The following JPT2 variants were observed in gnomAD, a reference collection of about 807,000 sequenced individuals.
JPT2 encodes the protein Jupiter microtubule associated homolog 2, also known as CRAMP_1 like.
In JPT2, 9 loss-of-function variants were observed where a neutral mutation model predicts 15.9. The ratio of observed to expected loss-of-function variants is 0.57; its 90% CI spans 0.34 to 0.99. The LOEUF is 0.99. Ranked by LOEUF, JPT2 falls within the 50% of genes least tolerant of loss-of-function variation. The pLI is 0.02. For missense variants in JPT2, 267 were observed against 252.1 expected (o/e 1.06, Z -0.40); for synonymous variants, 95 against 91.7 (o/e 1.04, Z -0.21).
chr16:1,683,070 G>T (rs1421886417), intron 1 of JPT2, among the ~76,000 whole-genome samples: 1 of 152,254 alleles, frequency 6.6e-6, no homozygotes, highest in East Asian at 1.9e-4. Context: ...TCCGCCTCCC[G>T]GGTTCACGCC....
intron 1 of JPT2, among the ~76,000 whole-genome samples, chr16:1,679,172 C>T (rs545216306): frequency 6.6e-6 from 1 of 152,332 alleles, no homozygotes; most frequent in East Asian, 1.9e-4. Flanking sequence ...GCCACTTGAG[C>T]AGTAAACTTG....
Position 1,679,774 on chromosome 16 carries a change from G to A in JPT2, c.44+1418G>A, listed in dbSNP as rs184782568. On this transcript the variant is annotated intron_variant, in intron 1 of 4. Transcript: ENST00000248098. ...TACTTGTAACCAAATAATTACCCGT[G>A]GCAGGGTGCAGTGACTCAACGGCTG... Among the ~76,000 whole-genome samples, 6 of 151,664 alleles carry A rather than the reference G, an allele frequency of 4.0e-5. No homozygotes were observed. In the East Asian group the frequency reaches 1.2e-3, roughly 30 times the overall value.
chr16:1,692,145 CCT>C (rs2037107981), intron 3 of JPT2, 160 bp downstream of exon 3: 3 of 905,800 alleles, frequency 3.3e-6, no homozygotes, highest in Admixed American at 2.6e-5. Flanking sequence ...TGGAAGTTCC[CCT>C]GAGTCACCCA....
At chr16:1,681,596 A>G (rs967221664) in intron 1 of JPT2, among the ~76,000 whole-genome samples, 1 of 152,186 alleles carries the variant, frequency 6.6e-6, no homozygotes, top group African/African-American at 2.4e-5. Flanking sequence ...TCCCGATGGC[A>G]CTAGGCGTCT....
chr16:1,692,044 A>G, intron 3 of JPT2, 59 bp downstream of exon 3: 1 of 1,595,450 alleles, frequency 6.3e-7, no homozygotes, highest in Non-Finnish European at 8.6e-7. Context: ...GCTCTTTCCA[A>G]AAAGGCTCCA....
chr16:1,684,303 A>G (rs2037047243), intron 1 of JPT2, among the ~76,000 whole-genome samples: 1 of 152,192 alleles, frequency 6.6e-6, no homozygotes, highest in Non-Finnish European at 1.5e-5. Context: ...CAATTTCAGT[A>G]AGCCTCTCTC....
At chr16:1,688,690 A>T (rs977539361) in intron 2 of JPT2, 6 of 152,226 alleles carry the variant, frequency 3.9e-5, no homozygotes, top group African/African-American at 1.4e-4. Flanking sequence ...CTTGGGCAAC[A>T]TAGCGAGGCC....
intron 3 of JPT2, 136 bp downstream of exon 3, chr16:1,692,121 T>C (rs1054368868): frequency 8.6e-7 from 1 of 1,163,952 alleles, no homozygotes; most frequent in African/African-American, 1.5e-5. Context: ...GATGCAAGCA[T>C]TAGTCATCGA....
chr16:1,693,168 C>G (rs1455566113), intron 3 of JPT2, among the ~76,000 whole-genome samples: 1 of 152,192 alleles, frequency 6.6e-6, no homozygotes, highest in Non-Finnish European at 1.5e-5. Context: ...GGCACGATCT[C>G]AACTCACTGC....
intron 1 of JPT2, among the ~76,000 whole-genome samples, chr16:1,678,912 T>A (rs192878398): frequency 4.7e-4 from 72 of 152,256 alleles, no homozygotes; most frequent in African/African-American, 1.7e-3. Context: ...TTCCACTAGT[T>A]CATGTGAGTC....
At chr16:1,686,017 T>A (rs1462220954) in intron 2 of JPT2, 1 of 161,890 alleles carries the variant, frequency 6.2e-6, no homozygotes, top group African/African-American at 2.4e-5. Flanking sequence ...CTAGCACACA[T>A]CTACATAGTT....
At chr16:1,682,277 TGAGGC>T (rs1272895422) in intron 1 of JPT2, among the ~76,000 whole-genome samples, 1 of 152,070 alleles carries the variant, frequency 6.6e-6, no homozygotes, top group East Asian at 1.9e-4. Context: ...CTCGGAAGGC[TGAGGC>T]GGGAGAATTG....
intron 1 of JPT2, 87 bp from the exon 2 acceptor site, chr16:1,685,352 T>A (rs949589022): frequency 2.3e-5 from 32 of 1,386,162 alleles, no homozygotes; most frequent in Non-Finnish European, 3.2e-5. Context: ...AAAATACTTT[T>A]ACCCTGTCTA....
intron 3 of JPT2, among the ~76,000 whole-genome samples, chr16:1,694,368 CA>C (rs2037126200): frequency 6.6e-6 from 1 of 152,142 alleles, no homozygotes; most frequent in Non-Finnish European, 1.5e-5. Flanking sequence ...GCGCTCAGAA[CA>C]ATGGCTTACA....
chr16:1,688,713 T>G (rs1198834663), intron 2 of JPT2: 1 of 152,124 alleles, frequency 6.6e-6, no homozygotes, highest in African/African-American at 2.4e-5. Context: ...ATCTCCCAAA[T>G]AAATAAATGA....
chr16:1,680,195 A>G (rs1023798903), intron 1 of JPT2: 6 of 368,714 alleles, frequency 1.6e-5, no homozygotes, highest in African/African-American at 8.8e-5. Context: ...CACCACCCAC[A>G]TCAGTGGGGG....
At chr16:1,680,567 G>C (rs1323987102) in intron 1 of JPT2, 1 of 1,085,532 alleles carries the variant, frequency 9.2e-7, no homozygotes, top group Admixed American at 4.1e-5. Context: ...GAACGGGGTC[G>C]AGTCGCAGGG....
chr16:1,684,062 T>G (rs1369140808), intron 1 of JPT2, among the ~76,000 whole-genome samples: 1 of 152,240 alleles, frequency 6.6e-6, no homozygotes, highest in Non-Finnish European at 1.5e-5. Context: ...ATGCACATAG[T>G]TGTTACACCG....
Position 1,699,453 on chromosome 16 carries a change from G to A in JPT2, c.*455G>A, listed in dbSNP as rs747899728. 6.5e-5 allele frequency: 23 copies of A among 355,234 alleles called. No homozygotes were observed. Among genetic ancestry groups the A allele is most frequent in the Non-Finnish European group, 1.1e-4 (19 of 177,916 alleles). The allele number at this position is 355,234 out of a possible 1,614,324, so 22.0% of individuals were successfully genotyped here. On this transcript the variant is annotated 3_prime_UTR_variant, in exon 5 of 5. Transcript: ENST00000248098. ...GAACCGCTTCCATTCTGGAGATCAC[G>A]GCTGCTAAATCCAGCATCCCCACTT...
Sources: gnomAD v4.1 joint callset for allele counts (sites outside exome capture counted in the v4.1 genomes callset) on GRCh38, gnomAD v4.1.1 for gene constraint, MANE v1.5 for transcripts, NCBI Gene and HGNC (gene_info 2026-07-23, HGNC 2026-07-21) for gene names.